Variants in TAF15 observed in about 807,000 individuals in gnomAD.
TAF15 encodes TATA-box binding protein associated factor 15, also known as TATA-binding protein-associated factor 2N.
In TAF15, 37 loss-of-function variants were observed where a neutral mutation model predicts 102.5. The observed-to-expected ratio is 0.36, with a 90% CI of 0.28 to 0.47. TAF15 has a LOEUF of 0.47. Among genes scored for constraint, TAF15 ranks in the 20% least tolerant of loss-of-function variants. TAF15 has a pLI of 0.99. For synonymous variants in TAF15, 273 were observed against 259.2 expected (o/e 1.05, Z -0.51); for missense variants, 652 against 760.7 (o/e 0.86, Z 1.68).
At chr17:35,846,852 TC>T in intron 15 of TAF15, 53 bp from the exon 16 acceptor site, 1 of 1,597,174 alleles carries the variant, frequency 6.3e-7, no homozygotes, top group Non-Finnish European at 8.6e-7. Context: ...TGTCTAATGC[TC>T]CCCCTTCGTA....
At position 35,822,675 on chromosome 17, in the gene TAF15, A is replaced by G. The variant is rs755066520; in HGVS notation, c.326A>G (p.Asp109Gly). 3 of 1,614,160 alleles carry G rather than the reference A, an allele frequency of 1.9e-6. No individual in the cohort carries two copies. In the South Asian group the frequency reaches 3.3e-5, roughly 18 times the overall value. ...AGAGCACCTTCCTATGACCAGCCAG[A>G]CTATGGTCAACAAGATTCATATGAC... ...GGRAPSYDQPDYGQQDSYDQQ... is the reference protein window; with the variant it reads ...GGRAPSYDQPGYGQQDSYDQQ... The change falls in exon 6 of 16, where the codon GAC (aspartate) becomes GGC (glycine). Residue 109 changes from aspartate to glycine, a missense_variant. By Grantham distance (94) the Asp-to-Gly change is moderately conservative. Coordinates refer to ENST00000605844, the MANE Select transcript of TAF15 (RefSeq NM_139215.3).
Position 35,825,723 on chromosome 17 carries a change from C to A in TAF15, c.605+1525C>A, listed in dbSNP as rs1261269763. ...CAGCACTTTGGGAGGCCGAGGCGGG[C>A]GGATCACGAGGTCAGGAGATGGAGA... On this transcript the variant is annotated intron_variant, in intron 7 of 15. Transcript: ENST00000605844. Among the ~76,000 whole-genome samples, 3 of 151,986 alleles carry A rather than the reference C, an allele frequency of 2.0e-5. No individual in the cohort carries two copies. In the East Asian group the frequency reaches 5.8e-4, roughly 29 times the overall value.
chr17:35,844,129 C>A lies in TAF15; in HGVS notation c.1059C>A (p.Pro353=). ...GCTTTCAAGGGAGAGGTGGAGACCC[C>A]AAAAGTGGGGATTGGGTTTGCCCTA... ...RGGFQGRGGD[P]KSGDWVCPNP... Residue 353 remains proline, a synonymous_variant, in exon 13 of 16, where the codon CCC becomes CCA. Coordinates refer to ENST00000605844, the MANE Select transcript of TAF15 (RefSeq NM_139215.3). 6.2e-7 allele frequency: 1 copy of A among 1,613,644 alleles called. No individual in the cohort carries two copies. The highest frequency in any genetic ancestry group is 8.5e-7 in the Non-Finnish European group (1 of 1,179,844).
chr17:35,820,243 A>G lies in TAF15; in HGVS notation c.179A>G (p.Gln60Arg), dbSNP rs1379879881. The change falls in exon 4 of 16, where the codon CAG (glutamine) becomes CGG (arginine). Residue 60 changes from glutamine to arginine, a missense_variant. By Grantham distance (43) the Gln-to-Arg change is conservative. Transcript: ENST00000605844. ...YSGYSSYGQSQSGYSQSYGGY... is the reference protein window; with the variant it reads ...YSGYSSYGQSRSGYSQSYGGY... ...GGTTACTCCAGTTATGGACAAAGTC[A>G]GTCAGGTTGGACTAGTTTGTTAAAT... 1 of 1,614,126 alleles carries G rather than the reference A, an allele frequency of 6.2e-7. No individual in the cohort carries two copies.
intron 1 of TAF15, among the ~76,000 whole-genome samples, chr17:35,815,103 A>T (rs1054200412): frequency 4.6e-5 from 7 of 152,190 alleles, no homozygotes; most frequent in African/African-American, 1.7e-4. Flanking sequence ...ATTTTCAGGC[A>T]CACAGGGAAC....
chr17:35,811,309 C>A (rs1243203561), intron 1 of TAF15: 1 of 152,180 alleles, frequency 6.6e-6, no homozygotes, highest in Non-Finnish European at 1.5e-5. Context: ...TATTGATCTT[C>A]AAGTTACTAA....
intron 15 of TAF15, among the ~76,000 whole-genome samples, chr17:35,845,569 G>T (rs2087614074): frequency 6.6e-6 from 1 of 151,998 alleles, no homozygotes; most frequent in Non-Finnish European, 1.5e-5. Context: ...ATTCTTTGCA[G>T]TGGCGCAGTC....
chr17:35,816,659 A>C (rs900645677), intron 1 of TAF15: 1 of 137,814 alleles, frequency 7.3e-6, no homozygotes, highest in African/African-American at 3.1e-5. Flanking sequence ...TATGCGTCAC[A>C]TACTTGGTCA....
At chr17:35,825,959 A>G (rs1481081071) in intron 7 of TAF15, among the ~76,000 whole-genome samples, 1 of 152,090 alleles carries the variant, frequency 6.6e-6, no homozygotes, top group Non-Finnish European at 1.5e-5. Flanking sequence ...GTCTCAAAAA[A>G]AAAAACATTA....
At chr17:35,826,537 C>T (rs958005534) in intron 7 of TAF15, among the ~76,000 whole-genome samples, 1 of 150,732 alleles carries the variant, frequency 6.6e-6, no homozygotes, top group Non-Finnish European at 1.5e-5. Context: ...TTTATGGATA[C>T]TGAAATTTAA....
At chr17:35,830,527 TA>T (rs2087391156) in intron 7 of TAF15, among the ~76,000 whole-genome samples, 1 of 152,224 alleles carries the variant, frequency 6.6e-6, no homozygotes, top group Non-Finnish European at 1.5e-5. Flanking sequence ...CTTGTAACAT[TA>T]ATGCAGATTT....
chr17:35,822,934 A>C (rs905583150), intron 6 of TAF15, 101 bp downstream of exon 6: 1 of 1,401,918 alleles, frequency 7.1e-7, no homozygotes. Flanking sequence ...TGTTTGTAAA[A>C]ATTTAGGGTA....
At chr17:35,831,178 G>A (rs764404873) in intron 7 of TAF15, among the ~76,000 whole-genome samples, 6 of 152,048 alleles carry the variant, frequency 3.9e-5, no homozygotes, top group Non-Finnish European at 7.4e-5. Context: ...CGAGACGGGC[G>A]GATCATGAAG....
chr17:35,813,261 AT>A (rs1462354244), intron 1 of TAF15, among the ~76,000 whole-genome samples: 2 of 152,230 alleles, frequency 1.3e-5, no homozygotes, highest in East Asian at 3.9e-4. Flanking sequence ...AGAATTACAG[AT>A]ATGATGGATG....
At chr17:35,827,454 C>G (rs1299261965) in intron 7 of TAF15, among the ~76,000 whole-genome samples, 3 of 152,010 alleles carry the variant, frequency 2.0e-5, no homozygotes, top group Non-Finnish European at 4.4e-5. Flanking sequence ...GCCTGTAATT[C>G]CAGCACTTTG....
intron 11 of TAF15, among the ~76,000 whole-genome samples, chr17:35,840,863 C>CA (rs557249173): frequency 0.075 from 10,912 of 146,032 alleles, 501 homozygotes; most frequent in Admixed American, 0.11. Context: ...AAGACTCCGT[C>CA]AAAAAAAAAA....
intron 8 of TAF15, chr17:35,834,211 C>A (rs1004395036): frequency 5.3e-6 from 2 of 378,116 alleles, no homozygotes; most frequent in African/African-American, 4.2e-5. Context: ...ATGAATGACA[C>A]CTTCACTGGA....
At chr17:35,834,284 A>C (rs2087443051) in intron 8 of TAF15, 5 of 434,276 alleles carry the variant, frequency 1.2e-5, no homozygotes, top group Non-Finnish European at 4.0e-6. Flanking sequence ...AGGGTTGTCC[A>C]ATCAGCCTTT....
chr17:35,843,966 C>A (rs1480155557), intron 12 of TAF15, 111 bp from the exon 13 acceptor site: 2 of 959,326 alleles, frequency 2.1e-6, no homozygotes, highest in Non-Finnish European at 3.4e-6. Flanking sequence ...GGTTAATTTG[C>A]AGAGTGCTGC....
Sources: gnomAD v4.1 joint callset for allele counts (sites outside exome capture counted in the v4.1 genomes callset) on GRCh38, gnomAD v4.1.1 for gene constraint, MANE v1.5 for transcripts, NCBI Gene and HGNC (gene_info 2026-07-23, HGNC 2026-07-21) for gene names.